CDC73: variants seen among roughly 807,000 people sequenced by gnomAD.
The protein encoded by CDC73 is cell division cycle 73.
CDC73 carries 21 observed loss-of-function variants against 83.7 expected under a neutral mutation model. That is an observed-to-expected ratio of 0.25 (90% CI 0.18 to 0.36). The LOEUF is 0.36. CDC73 is among the 10% of genes least tolerant of loss of function. CDC73 has a pLI of 1.00. For synonymous variants in CDC73, 224 were observed against 212.9 expected (o/e 1.05, Z -0.45); for missense variants, 342 against 653.3 (o/e 0.52, Z 5.19).
intron 10 of CDC73, among the ~76,000 whole-genome samples, chr1:193,153,258 A>G (rs1676152756): frequency 6.6e-6 from 1 of 152,162 alleles, no homozygotes; most frequent in Non-Finnish European, 1.5e-5. Flanking sequence ...ACCAAGCCAT[A>G]TTTAACATTT....
chr1:193,133,865 T>G (rs1346162265), intron 3 of CDC73, among the ~76,000 whole-genome samples: 1 of 151,886 alleles, frequency 6.6e-6, no homozygotes, highest in Non-Finnish European at 1.5e-5. Flanking sequence ...CTTAATATCA[T>G]TTATAATAAG....
intron 11 of CDC73, among the ~76,000 whole-genome samples, chr1:193,210,370 T>C (rs950392249): frequency 1.3e-5 from 2 of 152,200 alleles, no homozygotes; most frequent in African/African-American, 4.8e-5. Context: ...AGAACTGACA[T>C]TGAATTAGAA....
At chr1:193,222,756 C>CTTTT (rs59773568) in intron 13 of CDC73, among the ~76,000 whole-genome samples, 3 of 117,188 alleles carry the variant, frequency 2.6e-5, no homozygotes, top group African/African-American at 3.2e-5. Flanking sequence ...ATGAAATAAG[C>CTTTT]TTTTTTTTTT....
chr1:193,123,315 C>T (rs1558276841), intron 1 of CDC73, among the ~76,000 whole-genome samples: 2 of 152,164 alleles, frequency 1.3e-5, no homozygotes, highest in South Asian at 2.1e-4. Context: ...GCAATCTTTG[C>T]CTCCTGGGTT....
At chr1:193,196,835 A>G (rs749373178) in intron 10 of CDC73, among the ~76,000 whole-genome samples, 3 of 152,200 alleles carry the variant, frequency 2.0e-5, no homozygotes, top group Non-Finnish European at 2.9e-5. Context: ...TATTATTAAT[A>G]TAACTTTTTT....
chr1:193,152,003 A>G (rs577449534), intron 9 of CDC73, among the ~76,000 whole-genome samples: 167 of 152,202 alleles, frequency 1.1e-3, no homozygotes, highest in African/African-American at 3.9e-3. Context: ...ACTTTGGAAC[A>G]CTACTTTTTA....
At chr1:193,188,035 C>T (rs1420444312) in intron 10 of CDC73, among the ~76,000 whole-genome samples, 1 of 152,144 alleles carries the variant, frequency 6.6e-6, no homozygotes, top group Non-Finnish European at 1.5e-5. Flanking sequence ...CTTAAAATAA[C>T]TTATTTTCCA....
intron 5 of CDC73, among the ~76,000 whole-genome samples, chr1:193,136,998 C>A (rs1296107730): frequency 2.0e-5 from 3 of 151,882 alleles, no homozygotes; most frequent in African/African-American, 7.3e-5. Context: ...TTTTCCAAAT[C>A]ATTTGTGGGG....
At chr1:193,159,200 G>T (rs1478693961) in intron 10 of CDC73, among the ~76,000 whole-genome samples, 2 of 152,092 alleles carry the variant, frequency 1.3e-5, no homozygotes, top group East Asian at 1.9e-4. Context: ...ATAAAAGAGA[G>T]AACTTTATAT....
chr1:193,149,024 A>T (rs1676058153), intron 8 of CDC73, among the ~76,000 whole-genome samples: 1 of 152,124 alleles, frequency 6.6e-6, no homozygotes, highest in Non-Finnish European at 1.5e-5. Flanking sequence ...TTGCTCATGA[A>T]ATTGTTGGAA....
chr1:193,253,617 T>C lies in CDC73; in HGVS notation c.*2905T>C, dbSNP rs1367631488. ...TTTTTTTCCCATGTCTCCATAACTT[T>C]TACTAACATTTGTTTTTAGCAGCAC... On this transcript the variant is annotated 3_prime_UTR_variant, in exon 17 of 17. Transcript: ENST00000367435. The C allele has an allele frequency of 1.7e-5, 4 of 231,842 alleles. No homozygotes were observed. The highest frequency in any genetic ancestry group is 8.8e-5 in the African/African-American group (4 of 45,288). 14.4% of individuals were successfully genotyped at this position (231,842 alleles called of 1,614,324 possible). A position where few individuals can be genotyped will look rare whatever the true frequency, so the allele number is the denominator to read the frequency against.
chr1:193,236,424 C>A, intron 15 of CDC73, 68 bp downstream of exon 15: 1 of 999,398 alleles, frequency 1.0e-6, no homozygotes, highest in South Asian at 1.3e-5. Flanking sequence ...GAGAAACAGT[C>A]ATATAGTTCT....
intron 10 of CDC73, among the ~76,000 whole-genome samples, chr1:193,203,159 T>G (rs1677120842): frequency 6.6e-6 from 1 of 152,160 alleles, no homozygotes; most frequent in Non-Finnish European, 1.5e-5. Context: ...TCCTTGAGTA[T>G]ATAATTGATA....
chr1:193,226,429 C>T (rs1000339243), intron 13 of CDC73, among the ~76,000 whole-genome samples: 1 of 152,124 alleles, frequency 6.6e-6, no homozygotes, highest in Non-Finnish European at 1.5e-5. Context: ...AACTTTTCCC[C>T]ATTCAGAACT....
At chr1:193,237,660 A>G (rs1218484230) in intron 15 of CDC73, among the ~76,000 whole-genome samples, 2 of 152,076 alleles carry the variant, frequency 1.3e-5, no homozygotes, top group Non-Finnish European at 2.9e-5. Flanking sequence ...TTAATTACCC[A>G]CAAGTGTGTT....
At chr1:193,133,803 T>C (rs950003134) in intron 3 of CDC73, among the ~76,000 whole-genome samples, 2 of 152,172 alleles carry the variant, frequency 1.3e-5, no homozygotes, top group Non-Finnish European at 2.9e-5. Context: ...CCAAACACTC[T>C]ATGGATTATG....
intron 7 of CDC73, among the ~76,000 whole-genome samples, chr1:193,143,718 A>C (rs1057347995): frequency 6.6e-6 from 1 of 152,164 alleles, no homozygotes; most frequent in East Asian, 1.9e-4. Context: ...AAATACCCTT[A>C]GGTACTTAAA....
intron 7 of CDC73, among the ~76,000 whole-genome samples, chr1:193,146,839 C>A (rs1392793290): frequency 6.6e-6 from 1 of 152,164 alleles, no homozygotes; most frequent in Non-Finnish European, 1.5e-5. Flanking sequence ...TTCCAACTTA[C>A]ACATCTTTGA....
At chr1:193,176,607 T>C (rs917960893) in intron 10 of CDC73, among the ~76,000 whole-genome samples, 5 of 152,240 alleles carry the variant, frequency 3.3e-5, no homozygotes, top group African/African-American at 1.2e-4. Context: ...GATTAATGTC[T>C]AAATGATACA....
Sources: gnomAD v4.1 joint callset for allele counts (sites outside exome capture counted in the v4.1 genomes callset) on GRCh38, gnomAD v4.1.1 for gene constraint, MANE v1.5 for transcripts, NCBI Gene and HGNC (gene_info 2026-07-23, HGNC 2026-07-21) for gene names.